The following CYREN variants were observed in gnomAD, a reference collection of about 807,000 sequenced individuals.
CYREN encodes cell cycle regulator of NHEJ.
CYREN carries 7 observed loss-of-function variants against 9.7 expected under a neutral mutation model. The observed-to-expected ratio is 0.72, with a 90% CI of 0.41 to 1.36. The LOEUF (loss-of-function observed/expected upper bound fraction) is 1.36, where lower values mean the gene tolerates loss of function less well. CYREN is among the 40% of genes most tolerant of loss of function. The pLI is 0.01. For synonymous variants in CYREN, 76 were observed against 77.9 expected, an observed-to-expected ratio of 0.98 and a Z score of 0.13; for missense variants, 215 against 198.1, an observed-to-expected ratio of 1.09 and a Z score of -0.51.
At chr7:135,168,468 ATGTT>A (rs1485531679) in intron 2 of CYREN, 3 of 415,224 alleles carry the variant, frequency 7.2e-6, no homozygotes, top group African/African-American at 2.0e-5. Context: ...TGATGTTACC[ATGTT>A]TGTTGTAAAG....
intron 2 of CYREN, among the ~76,000 whole-genome samples, chr7:135,160,351 C>T (rs972487141): frequency 2.6e-5 from 4 of 152,190 alleles, no homozygotes; most frequent in Non-Finnish European, 4.4e-5. Context: ...ACTGGCTTAT[C>T]ATTAAAGGAC....
chr7:135,128,721 A>G, intron 2 of CYREN: 2 of 1,379,008 alleles, frequency 1.5e-6, no homozygotes, highest in Admixed American at 1.8e-5. Context: ...TTCTCAGAAA[A>G]AAAGTGCAGA....
intron 1 of CYREN, among the ~76,000 whole-genome samples, chr7:135,169,905 T>C (rs1830523916): frequency 6.6e-6 from 1 of 152,194 alleles, no homozygotes; most frequent in South Asian, 2.1e-4. Context: ...AGAAAAAATA[T>C]TACCAGGCCC....
chr7:135,097,856 T>C (rs1040509259), intron 2 of CYREN, among the ~76,000 whole-genome samples: 1 of 152,104 alleles, frequency 6.6e-6, no homozygotes, highest in Non-Finnish European at 1.5e-5. Flanking sequence ...CTCAAAAATA[T>C]GTCACCAGAA....
At chr7:135,169,887 A>C (rs1461633081) in intron 1 of CYREN, among the ~76,000 whole-genome samples, 1 of 152,246 alleles carries the variant, frequency 6.6e-6, no homozygotes, top group African/African-American at 2.4e-5. Flanking sequence ...ATGGCTGTTT[A>C]CAATTTAAGA....
intron 2 of CYREN, among the ~76,000 whole-genome samples, chr7:135,104,039 A>T (rs1279672637): frequency 6.6e-6 from 1 of 152,058 alleles, no homozygotes; most frequent in Non-Finnish European, 1.5e-5. Context: ...TACCCAATAG[A>T]TACTTTTTCT....
chr7:135,108,121 G>A (rs916832124), intron 2 of CYREN, among the ~76,000 whole-genome samples: 9 of 151,972 alleles, frequency 5.9e-5, no homozygotes, highest in Non-Finnish European at 4.4e-5. Context: ...ATGTGAGATG[G>A]GTCTCTAGAA....
At chr7:135,115,650 A>G (rs1403580154) in intron 2 of CYREN, 13 of 1,416,568 alleles carry the variant, frequency 9.2e-6, no homozygotes, top group Non-Finnish European at 1.1e-5. Context: ...TCTATTTAAC[A>G]CATCTTTTTT....
At chr7:135,172,015 G>C (rs570041119), upstream of CYREN, among the ~76,000 whole-genome samples, 59 of 151,870 alleles carry the variant, frequency 3.9e-4, no homozygotes, top group African/African-American at 1.4e-3. Context: ...GTGAGTGGAA[G>C]CATGGCCTGA....
At chr7:135,129,364 A>C in intron 2 of CYREN, 1 of 907,222 alleles carries the variant, frequency 1.1e-6, no homozygotes, top group Non-Finnish European at 1.9e-6. Flanking sequence ...GAATACCTGC[A>C]AGCAGATAAG....
chr7:135,139,118 G>T (rs1032781085), intron 2 of CYREN, among the ~76,000 whole-genome samples: 1 of 152,038 alleles, frequency 6.6e-6, no homozygotes, highest in Non-Finnish European at 1.5e-5. Flanking sequence ...TGCATAATGG[G>T]ATTGCTGGGT....
intron 3 of CYREN, chr7:135,167,188 C>G (rs1328550201): frequency 3.0e-6 from 3 of 985,312 alleles, no homozygotes; most frequent in Non-Finnish European, 3.6e-6. Flanking sequence ...GGATACAAAA[C>G]CTGGGTGTGG....
intron 2 of CYREN, among the ~76,000 whole-genome samples, chr7:135,134,081 G>A (rs1829152808): frequency 6.6e-6 from 1 of 152,108 alleles, no homozygotes; most frequent in Non-Finnish European, 1.5e-5. Context: ...GAGGGGATGG[G>A]AAAGGAGGGA....
chr7:135,137,174 G>C (rs986744248), intron 2 of CYREN, among the ~76,000 whole-genome samples: 2 of 151,788 alleles, frequency 1.3e-5, no homozygotes, highest in Non-Finnish European at 2.9e-5. Flanking sequence ...ATTGGACAAT[G>C]CAAGAACAGA....
intron 2 of CYREN, among the ~76,000 whole-genome samples, chr7:135,155,931 G>A (rs1202403851): frequency 6.6e-6 from 1 of 152,178 alleles, no homozygotes; most frequent in East Asian, 1.9e-4. Flanking sequence ...GTCTAGTGGT[G>A]ACAAATTCCC....
chr7:135,168,855 G>A lies in CYREN; in HGVS notation c.68C>T (p.Thr23Ile). The change falls in exon 2 of 4, where the codon ACA becomes ATA. Residue 23 changes from threonine to isoleucine, a missense_variant. Physicochemically the swap from Thr to Ile is moderately conservative, Grantham distance 89 (BLOSUM62 -1). Transcript: ENST00000393114. ...LPSWLTAQVA[T>I]KNVAPMKAPK... ...GGCCTTCATTGGTGCCACATTCTTT[G>A]TAGCCACCTGGGCTGTCAGCCATGA... The A allele has an allele frequency of 1.2e-6, 2 of 1,614,048 alleles. No individual in the cohort carries two copies. The highest frequency in any genetic ancestry group is 1.7e-6 in the Non-Finnish European group (2 of 1,179,972).
intron 2 of CYREN, among the ~76,000 whole-genome samples, chr7:135,132,540 T>A (rs1776899348): frequency 6.6e-6 from 1 of 152,168 alleles, no homozygotes; most frequent in South Asian, 2.1e-4. Context: ...TTCTTACCAC[T>A]TGATATAGTT....
intron 2 of CYREN, chr7:135,115,465 A>T (rs1487070783): frequency 1.3e-6 from 2 of 1,551,462 alleles, no homozygotes; most frequent in Non-Finnish European, 1.7e-6. Flanking sequence ...CAGATGATGA[A>T]AAAAGAAGCT....
At chr7:135,172,104 T>C (rs1830684333), upstream of CYREN, among the ~76,000 whole-genome samples, 1 of 152,224 alleles carries the variant, frequency 6.6e-6, no homozygotes, top group South Asian at 2.1e-4. Context: ...TCTTTGGAAC[T>C]TGCCCCACTC....
Sources: gnomAD v4.1 joint callset for allele counts (sites outside exome capture counted in the v4.1 genomes callset) on GRCh38, gnomAD v4.1.1 for gene constraint, MANE v1.5 for transcripts, NCBI Gene and HGNC (gene_info 2026-07-23, HGNC 2026-07-21) for gene names.